DMD: variants seen among roughly 807,000 people sequenced by gnomAD.
DMD encodes mutant dystrophin.
In DMD, 63 loss-of-function variants were observed where a neutral mutation model predicts 330.1. The observed-to-expected ratio is 0.19, with a 90% CI of 0.16 to 0.24. DMD has a LOEUF of 0.24. Ranked by LOEUF, DMD falls within the 10% of genes least tolerant of loss-of-function variation. The pLI, the probability that DMD is intolerant of heterozygous loss-of-function variation, is 1.00. For synonymous variants in DMD, 1,223 were observed against 959.8 expected, an observed-to-expected ratio of 1.27 and a Z score of -5.07; for missense variants, 3,344 against 2,684.1, an observed-to-expected ratio of 1.25 and a Z score of -5.43.
chrX:31,307,333 C>T (rs935504416), intron 62 of DMD, among the ~76,000 whole-genome samples: 61 of 111,876 alleles, frequency 5.5e-4, no homozygotes, highest in African/African-American at 1.8e-3. Flanking sequence ...TTTCATCTTC[C>T]ACCTCAACAT....
At chrX:32,054,003 T>C (rs62589977) in intron 44 of DMD, among the ~76,000 whole-genome samples, 4,407 of 107,570 alleles carry the variant, frequency 0.041, 136 homozygotes, top group East Asian at 0.12. Context: ...TCCATTAGAC[T>C]TCTAAATCTA....
intron 44 of DMD, among the ~76,000 whole-genome samples, chrX:32,014,267 G>A (rs5972474): frequency 0.35 from 39,066 of 110,834 alleles, 7,225 homozygotes; most frequent in African/African-American, 0.72. Flanking sequence ...CAATTAAAAT[G>A]AAGTTTCAGT....
intron 60 of DMD, among the ~76,000 whole-genome samples, chrX:31,429,121 CA>C (rs35774193): frequency 0.11 from 9,327 of 81,277 alleles, 477 homozygotes; most frequent in East Asian, 0.45. Flanking sequence ...GACTCCATCT[CA>C]AAAAAAAAAA....
intron 61 of DMD, among the ~76,000 whole-genome samples, chrX:31,327,766 G>C (rs997721773): frequency 8.9e-6 from 1 of 112,161 alleles, no homozygotes; most frequent in Non-Finnish European, 1.9e-5. Context: ...GTCTTTTCCA[G>C]AATGTCATAT....
intron 1 of DMD, among the ~76,000 whole-genome samples, chrX:33,309,525 A>G: frequency 9.0e-6 from 1 of 111,557 alleles, no homozygotes; most frequent in South Asian, 3.7e-4. Context: ...TTATATCTAT[A>G]CTGAGGTGTA....
At chrX:32,221,990 C>T (rs976578163) in intron 43 of DMD, among the ~76,000 whole-genome samples, 2 of 111,599 alleles carry the variant, frequency 1.8e-5, no homozygotes, top group Non-Finnish European at 3.8e-5. Flanking sequence ...ACTCATTGGT[C>T]GGCTGGCACT....
intron 13 of DMD, among the ~76,000 whole-genome samples, chrX:32,588,975 G>A (rs1424844416): frequency 9.0e-6 from 1 of 111,440 alleles, no homozygotes; most frequent in Non-Finnish European, 1.9e-5. Flanking sequence ...TTGAAGTGTT[G>A]TTTGGACTTC....
chrX:31,900,472 C>T (rs1464643292), intron 47 of DMD, among the ~76,000 whole-genome samples: 1 of 111,490 alleles, frequency 9.0e-6, no homozygotes, highest in African/African-American at 3.3e-5. Context: ...TCCTCCTTGC[C>T]TGGTGCCATA....
chrX:31,997,812 G>A (rs2095599120), intron 44 of DMD, among the ~76,000 whole-genome samples: 1 of 111,424 alleles, frequency 9.0e-6, no homozygotes, highest in Admixed American at 9.6e-5. Flanking sequence ...TATTCTTCCT[G>A]CTTTTAATAA....
intron 21 of DMD, among the ~76,000 whole-genome samples, chrX:32,477,707 C>T (rs999684231): frequency 3.7e-5 from 4 of 108,405 alleles, no homozygotes; most frequent in Non-Finnish European, 5.7e-5. Context: ...CCAGAGCAAT[C>T]GGTTATATAT....
chrX:32,576,275 C>T (rs1189516762), intron 13 of DMD, among the ~76,000 whole-genome samples: 1 of 111,491 alleles, frequency 9.0e-6, no homozygotes, highest in Non-Finnish European at 1.9e-5. Flanking sequence ...GATAGACTTG[C>T]TCTTACCACA....
At chrX:31,466,079 C>A (rs1438643482) in intron 59 of DMD, among the ~76,000 whole-genome samples, 2 of 111,980 alleles carry the variant, frequency 1.8e-5, no homozygotes, top group Non-Finnish European at 3.8e-5. Flanking sequence ...GGATATCAGC[C>A]CTTTGTCAGA....
chrX:33,024,925 C>T (rs997645945), intron 1 of DMD, among the ~76,000 whole-genome samples: 1 of 111,592 alleles, frequency 9.0e-6, no homozygotes, highest in Non-Finnish European at 1.9e-5. Flanking sequence ...ATCATTTACT[C>T]GTGTAATAAT....
chrX:33,322,003 C>T (rs974302876), intron 1 of DMD, among the ~76,000 whole-genome samples: 1 of 112,042 alleles, frequency 8.9e-6, no homozygotes, highest in African/African-American at 3.2e-5. Context: ...TCTGGATTAG[C>T]TCTTGGTTAA....
chrX:31,195,370 A>G (rs144399532), intron 67 of DMD, among the ~76,000 whole-genome samples: 3,827 of 111,834 alleles, frequency 0.034, 185 homozygotes, highest in African/African-American at 0.12. Flanking sequence ...CAAATCCCTA[A>G]GTATACTCAA....
Position 32,906,677 on chromosome X carries a change from G to T in DMD, c.94-56857C>A, listed in dbSNP as rs191629571. Among the ~76,000 whole-genome samples, 6 of 111,547 alleles carry T rather than the reference G, an allele frequency of 5.4e-5. No homozygotes were observed. In the East Asian group the frequency reaches 1.4e-3, roughly 26 times the overall value. On this transcript the variant is annotated intron_variant, in intron 2 of 78. Coordinates refer to ENST00000357033, the MANE Select transcript of DMD (RefSeq NM_004006.3). ...GAATGAGAGGCGTTTTAATGAAGAG[G>T]TGAGATGATTTAATTGATCTTTCTA...
chrX:32,762,612 C>G (rs1312469797), intron 7 of DMD, among the ~76,000 whole-genome samples: 3 of 111,112 alleles, frequency 2.7e-5, no homozygotes, highest in Non-Finnish European at 5.7e-5. Flanking sequence ...AAGATGAGAC[C>G]TTTCGGCTCA....
chrX:31,278,541 C>T (rs974071015), intron 62 of DMD, among the ~76,000 whole-genome samples: 1 of 111,746 alleles, frequency 8.9e-6, no homozygotes. Flanking sequence ...CCAGGAATCA[C>T]TCAGCCTTTT....
chrX:33,267,993 A>ATTTT (rs527255488), intron 1 of DMD, among the ~76,000 whole-genome samples: 10 of 98,335 alleles, frequency 1.0e-4, no homozygotes, highest in African/African-American at 3.8e-4. Context: ...GGCATTGGCA[A>ATTTT]TTTTTTTTTT....
Sources: allele counts gnomAD v4.1 joint callset (sites outside exome capture counted in the v4.1 genomes callset), GRCh38; gene constraint gnomAD v4.1.1; transcripts MANE v1.5; gene names NCBI Gene and HGNC (gene_info 2026-07-23, HGNC 2026-07-21).